Variants in LIAS observed in about 807,000 individuals in gnomAD.
LIAS encodes lipoyl synthase, mitochondrial.
A neutral mutation model predicts 49.4 loss-of-function variants in LIAS; 36 were observed. The observed-to-expected ratio is 0.73, with a 90% CI of 0.56 to 0.96. LIAS has a LOEUF of 0.96. Among genes scored for constraint, LIAS ranks in the 40% least tolerant of loss-of-function variants. The pLI is 0.00. For synonymous variants in LIAS, 145 were observed against 155.8 expected (o/e 0.93, Z 0.52); for missense variants, 399 against 456.3 (o/e 0.87, Z 1.14).
chr4:39,463,729 A>G, intron 4 of LIAS, 124 bp downstream of exon 4: 1 of 1,356,960 alleles, frequency 7.4e-7, no homozygotes. Flanking sequence ...TGCATTTATG[A>G]AAAATATTAA....
At chr4:39,463,835 G>A (rs1410058429) in intron 4 of LIAS, 3 of 829,048 alleles carry the variant, frequency 3.6e-6, no homozygotes, top group East Asian at 3.7e-5. Flanking sequence ...AGTTAATCAC[G>A]TGCTGCCTTG....
chr4:39,459,717 C>T (rs1214353950), intron 1 of LIAS, among the ~76,000 whole-genome samples: 1 of 152,192 alleles, frequency 6.6e-6, no homozygotes, highest in Admixed American at 6.5e-5. Flanking sequence ...TTCTTGACTG[C>T]CACGTTCAAA....
chr4:39,475,535 G>A (rs1014331246), intron 10 of LIAS: 5 of 152,024 alleles, frequency 3.3e-5, no homozygotes, highest in African/African-American at 1.2e-4. Flanking sequence ...TAATGCTCCA[G>A]TATTAGTAAT....
chr4:39,460,896 G>A lies in LIAS; in HGVS notation c.152G>A (p.Gly51Asp), dbSNP rs1191295540. Residue 51 changes from glycine to aspartate, a missense_variant, in exon 2 of 11, where the codon GGT becomes GAT. By Grantham distance (94) the Gly-to-Asp change is moderately conservative. Around this residue, in one of 3 missense-constraint regions of LIAS, gnomAD observed 159 missense variants for 147.6 expected, o/e 1.08. Coordinates refer to ENST00000640888, the MANE Select transcript of LIAS (RefSeq NM_006859.4). ...CCAGACCTTCAAGATTTTGTATCTG[G>A]TGATCTTGCAGACAGGAGCACCTGG... ...NGPDLQDFVS[G>D]DLADRSTWDE... 6.2e-7 allele frequency: 1 copy of A among 1,613,190 alleles called. No homozygotes were observed.
chr4:39,459,372 T>C, intron 1 of LIAS: 1 of 607,592 alleles, frequency 1.6e-6, no homozygotes, highest in South Asian at 2.0e-5. Context: ...CAAGTCTCTC[T>C]GGGCCAGCAC....
At chr4:39,468,660 C>T (rs897917603) in intron 7 of LIAS, among the ~76,000 whole-genome samples, 3 of 148,582 alleles carry the variant, frequency 2.0e-5, no homozygotes, top group African/African-American at 7.4e-5. Context: ...GGGCGGATTA[C>T]CTGAGGTTGG....
Position 39,462,186 on chromosome 4 carries a change from CT to C in LIAS, c.219-7del. ...TTTGTTAATAGATAGTTATGTTTGG[CT>C]TTCCTTAGGTTAAGACTACCTCCAT... On this transcript the variant is annotated splice_polypyrimidine_tract_variant and intron_variant, in intron 2 of 10. Transcript: ENST00000640888. 7.1e-7 allele frequency: 1 copy of C among 1,402,026 alleles called. No homozygotes were observed. The highest frequency in any genetic ancestry group is 1.4e-5 in the South Asian group (1 of 72,086). The allele number at this position is 1,402,026 out of a possible 1,614,324, so 86.8% of individuals were successfully genotyped here. A position where few individuals can be genotyped will look rare whatever the true frequency, so the allele number is the denominator to read the frequency against.
intron 3 of LIAS, 46 bp from the exon 4 acceptor site, chr4:39,463,479 G>T: frequency 6.6e-7 from 1 of 1,519,144 alleles, no homozygotes; most frequent in Non-Finnish European, 8.9e-7. Context: ...TGTTTAGTTG[G>T]TGGATATTGT....
In LIAS at chr4:39,463,587, C is replaced by T. The variant is rs538035764; in HGVS notation, c.375C>T (p.Thr125=). The T allele has an allele frequency of 2.9e-5, 46 of 1,612,110 alleles. No individual in the cohort carries two copies. In the Middle Eastern group the frequency reaches 8.2e-4, roughly 29 times the overall value. The stretch of plus-strand genomic sequence containing the variant: ...GTTGGGGAGGTGGAGAATATGCCAC[C>T]GCCACAGCCACGATCATGGTAGGGC... ...GECWGGGEYA[T]ATATIMLMGD... Residue 125 remains threonine (T), a synonymous_variant, in exon 4 of 11, where the codon ACC becomes ACT. Coordinates refer to ENST00000640888, the MANE Select transcript of LIAS (RefSeq NM_006859.4).
At chr4:39,468,787 T>C (rs770595594) in intron 7 of LIAS, 1 of 150,166 alleles carries the variant, frequency 6.7e-6, no homozygotes, top group Non-Finnish European at 1.5e-5. Flanking sequence ...GGCAGGAGAA[T>C]TGCTTGAACC....
chr4:39,468,115 A>G (rs1744828194), intron 7 of LIAS: 1 of 152,170 alleles, frequency 6.6e-6, no homozygotes, highest in Non-Finnish European at 1.5e-5. Flanking sequence ...CCCCACAAAT[A>G]AAGTTTTCAA....
chr4:39,472,560 A>T (rs1227275691), intron 9 of LIAS, among the ~76,000 whole-genome samples: 1 of 152,226 alleles, frequency 6.6e-6, no homozygotes, highest in African/African-American at 2.4e-5. Flanking sequence ...GCACTCATTT[A>T]CACTTGGTTA....
chr4:39,459,365 GTC>G, intron 1 of LIAS: 1 of 609,248 alleles, frequency 1.6e-6, no homozygotes, highest in South Asian at 2.0e-5. Flanking sequence ...TTGTTTGCAA[GTC>G]TCTCTGGGCC....
intron 8 of LIAS, 43 bp from the exon 9 acceptor site, chr4:39,471,193 A>G: frequency 7.0e-7 from 1 of 1,419,646 alleles, no homozygotes; most frequent in South Asian, 1.2e-5. Flanking sequence ...TAGATCTACA[A>G]TTAAAGTATT....
At position 39,477,063 on chromosome 4, in the gene LIAS, G is replaced by C. The variant is rs373707167; in HGVS notation, c.1067G>C (p.Gly356Ala). Residue 356 changes from glycine (G) to alanine (A), a missense_variant and splice_region_variant, in exon 11 of 11, where the codon GGT becomes GCT. Coordinates refer to ENST00000640888, the MANE Select transcript of LIAS (RefSeq NM_006859.4). ...GPLVRSSYKA[G>A]EFFLKNLVAK... ...ATGTGTTTTCCTTTTTCCTAAATAG[G>C]TGAATTTTTCCTGAAAAATCTAGTG... The C allele has an allele frequency of 6.3e-7, 1 of 1,574,832 alleles. No individual in the cohort carries two copies. Among genetic ancestry groups the C allele is most frequent in the African/African-American group, 1.4e-5 (1 of 73,190 alleles).
chr4:39,467,709 G>T, intron 7 of LIAS, 63 bp downstream of exon 7: 1 of 1,382,458 alleles, frequency 7.2e-7, no homozygotes. Flanking sequence ...ATATATTCTT[G>T]CCTTTTCCAG....
intron 3 of LIAS, among the ~76,000 whole-genome samples, chr4:39,462,514 T>C (rs974031867): frequency 6.6e-5 from 10 of 152,194 alleles, no homozygotes; most frequent in Non-Finnish European, 1.3e-4. Flanking sequence ...TGTTTTATAT[T>C]GCAAATTAGA....
intron 10 of LIAS, among the ~76,000 whole-genome samples, chr4:39,474,298 C>T (rs553302774): frequency 1.4e-5 from 2 of 145,026 alleles, no homozygotes; most frequent in South Asian, 4.4e-4. Context: ...ATAGGCCAGG[C>T]AAGGTGGCTC....
Position 39,459,081 on chromosome 4 carries a change from C to T in LIAS, c.-37C>T. ...CTGTCCTTTCCCGGGAGTTAGCGAT[C>T]CCTCAACCCCTGCACTGCGCTAGTC... On this transcript the variant is annotated 5_prime_UTR_variant, in exon 1 of 11. Transcript: ENST00000640888. 1 of 1,612,646 alleles carries T rather than the reference C, an allele frequency of 6.2e-7. No individual in the cohort carries two copies. The highest frequency in any genetic ancestry group is 8.5e-7 in the Non-Finnish European group (1 of 1,178,638).
Sources: allele counts gnomAD v4.1 joint callset (sites outside exome capture counted in the v4.1 genomes callset), GRCh38; gene constraint gnomAD v4.1.1; regional missense constraint gnomAD v4.1.1; transcripts MANE v1.5; gene names NCBI Gene and HGNC (gene_info 2026-07-23, HGNC 2026-07-21).